Variants in RPS6KC1 observed in about 807,000 individuals in gnomAD.
RPS6KC1 encodes the protein inactive ribosomal protein S6 kinase delta-1.
RPS6KC1 carries 54 observed loss-of-function variants against 103.8 expected under a neutral mutation model. The ratio of observed to expected loss-of-function variants is 0.52; its 90% CI spans 0.42 to 0.65. The LOEUF (loss-of-function observed/expected upper bound fraction) is 0.65. Ranked by LOEUF, RPS6KC1 falls within the 30% of genes least tolerant of loss-of-function variation. The pLI is 0.00. For synonymous variants in RPS6KC1, 439 were observed against 438.7 expected (o/e 1.00, Z -0.01); for missense variants, 1,151 against 1,253.8 (o/e 0.92, Z 1.24).
At chr1:213,841,086 C>A in the RPS6KC1 span, 2 of 152,152 alleles carry the variant, frequency 1.3e-5, no homozygotes, top group African/African-American at 4.8e-5. Context: ...TTTTTTTGAA[C>A]CTGATTGCTC....
the RPS6KC1 span, among the ~76,000 whole-genome samples, chr1:213,381,515 A>AC: frequency 1.3e-5 from 2 of 150,864 alleles, 1 homozygote; most frequent in Admixed American, 1.3e-4. Flanking sequence ...GTGGGGAGAA[A>AC]CCCCGTTTGA....
the RPS6KC1 span, among the ~76,000 whole-genome samples, chr1:213,595,884 G>A: frequency 2.6e-5 from 4 of 152,194 alleles, no homozygotes; most frequent in Non-Finnish European, 5.9e-5. Context: ...CCACATTTTA[G>A]TGATCCCTGA....
chr1:213,323,586 A>T, the RPS6KC1 span, among the ~76,000 whole-genome samples: 1 of 152,224 alleles, frequency 6.6e-6, no homozygotes, highest in Non-Finnish European at 1.5e-5. Context: ...AACCATAGAC[A>T]GTTGGAGTGG....
chr1:213,837,639 C>A, the RPS6KC1 span, among the ~76,000 whole-genome samples: 10 of 152,122 alleles, frequency 6.6e-5, no homozygotes, highest in Non-Finnish European at 1.3e-4. Context: ...AGAGCAGGCA[C>A]CCTGCACTGG....
chr1:213,184,392 TATTTAAATTC>T (rs1331826173), intron 8 of RPS6KC1, among the ~76,000 whole-genome samples: 21 of 152,176 alleles, frequency 1.4e-4, no homozygotes, highest in East Asian at 5.8e-4. Flanking sequence ...ATGAATTTAT[TATTTAAATTC>T]ATTTAAATTC....
intron 6 of RPS6KC1, among the ~76,000 whole-genome samples, chr1:213,144,562 G>A (rs1281401406): frequency 6.6e-6 from 1 of 151,984 alleles, no homozygotes; most frequent in African/African-American, 2.4e-5. Context: ...CCCCTTTCTT[G>A]ACCTTTCTAA....
the RPS6KC1 span, among the ~76,000 whole-genome samples, chr1:213,727,665 G>A: frequency 6.6e-6 from 1 of 152,076 alleles, no homozygotes; most frequent in Non-Finnish European, 1.5e-5. Flanking sequence ...AAAAGAAGGG[G>A]AGGGGACCAG....
At chr1:213,399,042 A>T in the RPS6KC1 span, among the ~76,000 whole-genome samples, 2 of 152,208 alleles carry the variant, frequency 1.3e-5, no homozygotes, top group African/African-American at 4.8e-5. Context: ...GACATAGACA[A>T]AACATATAGA....
intron 1 of RPS6KC1, 64 bp downstream of exon 1, chr1:213,051,573 C>G: frequency 8.3e-7 from 1 of 1,210,730 alleles, no homozygotes; most frequent in Non-Finnish European, 1.2e-6. Flanking sequence ...GGGTGGGGAC[C>G]CTGATGTGAG....
At chr1:213,374,443 T>C in the RPS6KC1 span, among the ~76,000 whole-genome samples, 1 of 152,096 alleles carries the variant, frequency 6.6e-6, no homozygotes, top group Non-Finnish European at 1.5e-5. Context: ...CCCCAGGGGT[T>C]GTACCCTGTA....
chr1:213,245,789 C>T (rs1192817033), intron 12 of RPS6KC1, among the ~76,000 whole-genome samples: 1 of 152,116 alleles, frequency 6.6e-6, no homozygotes, highest in Non-Finnish European at 1.5e-5. Flanking sequence ...TGTGAATCAA[C>T]ATGTTTTGGT....
At chr1:213,379,455 C>T in the RPS6KC1 span, among the ~76,000 whole-genome samples, 2 of 152,088 alleles carry the variant, frequency 1.3e-5, no homozygotes, top group Non-Finnish European at 2.9e-5. Context: ...TGCCAAAGAT[C>T]GCCAGCAAAC....
intron 3 of RPS6KC1, among the ~76,000 whole-genome samples, chr1:213,090,416 A>C (rs533745299): frequency 1.3e-5 from 2 of 152,324 alleles, no homozygotes; most frequent in African/African-American, 4.8e-5. Context: ...CATATAAATA[A>C]GTTGAGCAAA....
chr1:213,367,240 C>G, the RPS6KC1 span, among the ~76,000 whole-genome samples: 2 of 152,212 alleles, frequency 1.3e-5, no homozygotes, highest in Non-Finnish European at 2.9e-5. Context: ...CATATGTGCT[C>G]TTTGGGTGAA....
At chr1:213,215,569 A>G (rs544435525) in intron 8 of RPS6KC1, among the ~76,000 whole-genome samples, 3 of 152,340 alleles carry the variant, frequency 2.0e-5, no homozygotes, top group Admixed American at 1.3e-4. Flanking sequence ...TCCAAGACAC[A>G]TAATTGTCAG....
At chr1:213,842,655 T>C in the RPS6KC1 span, among the ~76,000 whole-genome samples, 346 of 152,318 alleles carry the variant, frequency 2.3e-3, no homozygotes, top group Non-Finnish European at 3.6e-3. Context: ...GAAAAATGCA[T>C]GCAGTTGACA....
chr1:213,821,209 C>CGAGG, the RPS6KC1 span: 1 of 152,504 alleles, frequency 6.6e-6, no homozygotes, highest in Non-Finnish European at 1.5e-5. Context: ...TGTGCCTTTT[C>CGAGG]CATCTCTATG....
the RPS6KC1 span, among the ~76,000 whole-genome samples, chr1:213,458,838 G>A: frequency 3.4e-3 from 519 of 152,144 alleles, 4 homozygotes; most frequent in African/African-American, 0.012. Context: ...GAATTTTATC[G>A]AAGGCCTTTT....
chr1:213,062,973 T>G (rs2077984659), intron 1 of RPS6KC1, among the ~76,000 whole-genome samples: 1 of 152,200 alleles, frequency 6.6e-6, no homozygotes, highest in Non-Finnish European at 1.5e-5. Flanking sequence ...ACCTGTTGAT[T>G]ATTATGGAAC....
Sources: gnomAD v4.1 joint callset for allele counts (sites outside exome capture counted in the v4.1 genomes callset) on GRCh38, gnomAD v4.1.1 for gene constraint, MANE v1.5 for transcripts, NCBI Gene and HGNC (gene_info 2026-07-23, HGNC 2026-07-21) for gene names.